The following PMVK variants were observed in gnomAD, a reference collection of about 807,000 sequenced individuals.
The protein encoded by PMVK is testis tissue sperm-binding protein Li 95mP.
A neutral mutation model predicts 19.0 loss-of-function variants in PMVK; 10 were observed. That is an observed-to-expected ratio of 0.53 (90% confidence interval 0.32 to 0.89). The LOEUF is 0.89. PMVK is among the 40% of genes least tolerant of loss of function. The probability of loss-of-function intolerance (pLI) is 0.03; values close to 1 mark genes in which losing one functional copy is unlikely to be tolerated. For missense variants in PMVK, 222 were observed against 251.1 expected (o/e 0.88, Z 0.78); for synonymous variants, 108 against 101.6 (o/e 1.06, Z -0.38).
Position 154,925,078 on chromosome 1 carries a change from C to CCG in PMVK, c.*50_*51insCG. On this transcript the variant is annotated 3_prime_UTR_variant, in exon 5 of 5. Transcript: ENST00000368467. ...GGGGGACACCCCCATTTTGCAGAGT[C>CCG]AGCCCCACCCCCACCTCAGCAGGCC... 7.0e-7 allele frequency: 1 copy of CCG among 1,427,758 alleles called. No individual in the cohort carries two copies. Among genetic ancestry groups the CCG allele is most frequent in the Non-Finnish European group, 9.5e-7 (1 of 1,056,332 alleles). The allele number at this position is 1,427,758 out of a possible 1,614,324, so 88.4% of individuals were successfully genotyped here. A position where few individuals can be genotyped will look rare whatever the true frequency, so the allele number is the denominator to read the frequency against.
chr1:154,932,352 C>T lies in PMVK; in HGVS notation c.159G>A (p.Gln53=), dbSNP rs1420721821. Residue 53 remains glutamine (Q), a splice_region_variant and synonymous_variant, in exon 2 of 5, where the codon CAG becomes CAA. Coordinates refer to ENST00000368467, the MANE Select transcript of PMVK (RefSeq NM_006556.4). ...CCGGATGCCACAAAGCACCACCTACCTGAGCATACTGTTCCTTGAGTGGAC... is the reference window on the plus strand; with the variant it reads ...CCGGATGCCACAAAGCACCACCTACTTGAGCATACTGTTCCTTGAGTGGAC... The part of the protein sequence containing the change: ...LSGPLKEQYA[Q]EHGLNFQRLL... 7 of 1,611,966 alleles carry T rather than the reference C, an allele frequency of 4.3e-6. No individual in the cohort carries two copies. Among genetic ancestry groups the T allele is most frequent in the Non-Finnish European group, 5.9e-6 (7 of 1,178,300 alleles).
chr1:154,925,265 C>T lies in PMVK; in HGVS notation c.443G>A (p.Gly148Glu), dbSNP rs1558028486. The T allele has an allele frequency of 1.9e-6, 3 of 1,614,174 alleles. No individual in the cohort carries two copies. The highest frequency in any genetic ancestry group is 1.7e-6 in the Non-Finnish European group (2 of 1,179,992). The change falls in exon 5 of 5, where the codon GGG becomes GAG. Residue 148 changes from glycine (G) to glutamate (E), a missense_variant and splice_region_variant. Gly to Glu is a moderately conservative substitution (Grantham distance 98). Coordinates refer to ENST00000368467, the MANE Select transcript of PMVK (RefSeq NM_006556.4). ...RQQRGWVFTPGVDDAESECGL... is the reference protein window; with the variant it reads ...RQQRGWVFTPEVDDAESECGL... ...ACATTCTGACTCAGCATCGTCCACC[C>T]CTATGAAGGAAGCATGGTGAGGTCA...
At chr1:154,930,471 A>T (rs573039610) in intron 2 of PMVK, among the ~76,000 whole-genome samples, 70 of 152,240 alleles carry the variant, frequency 4.6e-4, no homozygotes, top group Non-Finnish European at 8.7e-4. Flanking sequence ...AAATATAAAT[A>T]AAATAAATAA....
upstream of PMVK, chr1:154,937,139 G>A (rs1301122247): frequency 2.4e-5 from 4 of 167,306 alleles, no homozygotes; most frequent in Non-Finnish European, 5.3e-5. Context: ...AAAATCTCTG[G>A]AGTGAGATCA....
upstream of PMVK, among the ~76,000 whole-genome samples, chr1:154,940,897 G>A (rs561831994): frequency 6.6e-6 from 1 of 152,260 alleles, no homozygotes; most frequent in South Asian, 2.1e-4. Context: ...CCCCTTAGAG[G>A]TTAAGTACAA....
chr1:154,927,556 G>A (rs1654206568), intron 3 of PMVK, among the ~76,000 whole-genome samples: 1 of 150,274 alleles, frequency 6.7e-6, no homozygotes, highest in African/African-American at 2.5e-5. Flanking sequence ...TTCTCAATCT[G>A]AAATCAGATC....
intron 3 of PMVK, 150 bp downstream of exon 3, chr1:154,928,874 C>A: frequency 1.5e-6 from 1 of 688,798 alleles, no homozygotes; most frequent in Admixed American, 2.3e-5. Context: ...AGAGCCACAG[C>A]TAGAGACCAG....
intron 1 of PMVK, 169 bp downstream of exon 1, chr1:154,936,422 A>T (rs989309508): frequency 2.0e-6 from 2 of 985,200 alleles, no homozygotes; most frequent in Non-Finnish European, 1.2e-6. Context: ...GCCTGTGTAG[A>T]CTACTGTTTT....
Position 154,929,041 on chromosome 1 carries a change from T to C in PMVK, c.295A>G (p.Ile99Val). The C allele has an allele frequency of 5.0e-6, 8 of 1,614,064 alleles. No individual in the cohort carries two copies. The highest frequency in any genetic ancestry group is 1.3e-5 in the African/African-American group (1 of 75,022). The change falls in exon 3 of 5, where the codon ATC (isoleucine) becomes GTC (valine). Residue 99 changes from isoleucine to valine, a missense_variant. Ile to Val is a conservative substitution (Grantham distance 29). Transcript: ENST00000368467. The part of the protein sequence containing the change: ...GFFCRKIVEG[I>V]SQPIWLVSDT... ...CCTCTTACCCAGATGGGCTGGGAGATGCCCTCCACAATCTTCCTGCAAAAG... is the reference window on the plus strand; with the variant it reads ...CCTCTTACCCAGATGGGCTGGGAGACGCCCTCCACAATCTTCCTGCAAAAG...
In PMVK at chr1:154,934,606, C is replaced by T. The variant is rs149865912; in HGVS notation, c.95+1985G>A. On this transcript the variant is annotated intron_variant, in intron 1 of 4. Transcript: ENST00000368467. ...AGGAGGATTGACTCCCCCAAAGCAACACTGCAAGTAGTGAAGCCAAGATTG... is the reference window on the plus strand; with the variant it reads ...AGGAGGATTGACTCCCCCAAAGCAATACTGCAAGTAGTGAAGCCAAGATTG... Among the ~76,000 whole-genome samples, 172 of 152,328 alleles carry T rather than the reference C, an allele frequency of 1.1e-3. 1 individual carries two copies. In the East Asian group the frequency reaches 0.029, roughly 26 times the overall value.
intron 2 of PMVK, among the ~76,000 whole-genome samples, chr1:154,931,205 AAG>A (rs1449876402): frequency 1.3e-5 from 2 of 152,218 alleles, no homozygotes; most frequent in Non-Finnish European, 2.9e-5. Flanking sequence ...CATGGAGGCA[AAG>A]ATGGCATATA....
At chr1:154,927,983 T>C (rs1372553825) in intron 3 of PMVK, among the ~76,000 whole-genome samples, 2 of 152,092 alleles carry the variant, frequency 1.3e-5, no homozygotes, top group African/African-American at 2.4e-5. Context: ...TCAGCTGTAA[T>C]GTAAGCTCCC....
chr1:154,934,948 G>A (rs1245827499), intron 1 of PMVK, among the ~76,000 whole-genome samples: 1 of 150,878 alleles, frequency 6.6e-6, no homozygotes, highest in Non-Finnish European at 1.5e-5. Context: ...TGTAATCCCA[G>A]CTACTCGGGA....
intron 1 of PMVK, among the ~76,000 whole-genome samples, chr1:154,933,290 G>A (rs867974393): frequency 3.3e-5 from 5 of 151,572 alleles, no homozygotes; most frequent in Admixed American, 6.6e-5. Flanking sequence ...AAAATTAGCC[G>A]GACATGATGG....
In PMVK at chr1:154,929,130, T is replaced by C; in HGVS notation, c.206A>G (p.Lys69Arg). ...FQRLLDTSTY[K>R]EAFRKDMIRW... is the part of the protein sequence containing the mutation. ...GATCATGTCCTTCCGAAAGGCCTCCTTGTAGGTGCTGGTGTCCAGGAGTCT... is the reference window on the plus strand; with the variant it reads ...GATCATGTCCTTCCGAAAGGCCTCCCTGTAGGTGCTGGTGTCCAGGAGTCT... The change falls in exon 3 of 5, where the codon AAG becomes AGG. Residue 69 changes from lysine to arginine, a missense_variant. Lys to Arg is a conservative substitution (Grantham distance 26, BLOSUM62 2). Coordinates refer to ENST00000368467, the MANE Select transcript of PMVK (RefSeq NM_006556.4). 1 of 1,614,096 alleles carries C rather than the reference T, an allele frequency of 6.2e-7. No homozygotes were observed. Among genetic ancestry groups the C allele is most frequent in the Non-Finnish European group, 8.5e-7 (1 of 1,179,938 alleles).
intron 3 of PMVK, among the ~76,000 whole-genome samples, chr1:154,928,254 A>G (rs1338883740): frequency 2.0e-5 from 3 of 152,240 alleles, no homozygotes; most frequent in Non-Finnish European, 1.5e-5. Context: ...GTGGAAGGGC[A>G]TGTGCAAAGG....
At chr1:154,940,528 T>A (rs924907460), upstream of PMVK, among the ~76,000 whole-genome samples, 3 of 152,206 alleles carry the variant, frequency 2.0e-5, no homozygotes, top group Non-Finnish European at 4.4e-5. Flanking sequence ...ACCATCTAGC[T>A]ATAGGCTATA....
At chr1:154,939,409 G>A (rs762663474), upstream of PMVK, among the ~76,000 whole-genome samples, 11 of 152,170 alleles carry the variant, frequency 7.2e-5, no homozygotes, top group Middle Eastern at 0.01. Context: ...AATGTGGCCC[G>A]GTGCAGTGGC....
chr1:154,929,000 CA>C (rs1324131168), intron 3 of PMVK, 23 bp downstream of exon 3: 6 of 1,608,616 alleles, frequency 3.7e-6, no homozygotes, highest in Non-Finnish European at 5.1e-6. Context: ...AGGTGTTCTT[CA>C]TGCTGCCATG....
Sources: gnomAD v4.1 joint callset for allele counts (sites outside exome capture counted in the v4.1 genomes callset) on GRCh38, gnomAD v4.1.1 for gene constraint, MANE v1.5 for transcripts, NCBI Gene and HGNC (gene_info 2026-07-23, HGNC 2026-07-21) for gene names.